IFT88: variants seen among roughly 807,000 people sequenced by gnomAD.
IFT88 encodes the protein intraflagellar transport protein 88 homolog.
In IFT88, 74 loss-of-function variants were observed where a neutral mutation model predicts 119.5. The ratio of observed to expected loss-of-function variants is 0.62; its 90% CI spans 0.51 to 0.75. The LOEUF (loss-of-function observed/expected upper bound fraction) is 0.75. Ranked by LOEUF, IFT88 falls within the 30% of genes least tolerant of loss-of-function variation. The pLI is 0.00. For synonymous variants in IFT88, 279 were observed against 316.7 expected, an observed-to-expected ratio of 0.88 and a Z score of 1.26; for missense variants, 961 against 977.7, an observed-to-expected ratio of 0.98 and a Z score of 0.23.
intron 23 of IFT88, among the ~76,000 whole-genome samples, chr13:20,668,239 G>C (rs2055096944): frequency 6.6e-6 from 1 of 152,200 alleles, no homozygotes; most frequent in Non-Finnish European, 1.5e-5. Context: ...TCTGTCTCTT[G>C]GGTGTTTACT....
chr13:20,635,745 G>T (rs1242309011), intron 16 of IFT88, among the ~76,000 whole-genome samples: 1 of 152,078 alleles, frequency 6.6e-6, no homozygotes, highest in East Asian at 1.9e-4. Flanking sequence ...GCAAGGGAAG[G>T]GAGAGCATTA....
At chr13:20,670,155 ATAT>A (rs1372387265) in intron 23 of IFT88, among the ~76,000 whole-genome samples, 1 of 152,210 alleles carries the variant, frequency 6.6e-6, no homozygotes, top group Non-Finnish European at 1.5e-5. Flanking sequence ...TCTTATGTTT[ATAT>A]TATTAAAGAT....
rs769934185 is a variant in IFT88 at position 20,671,846 on chromosome 13, A to T, written c.2242+807A>T. Among the ~76,000 whole-genome samples the T allele has an allele frequency of 2.0e-5, 3 of 152,170 alleles. No individual in the cohort carries two copies. The South Asian group carries it at 6.2e-4, about 32-fold the overall frequency. ...ATGACCTAGCTCCATGTAACTATCC[A>T]GCTGCATTCTGTCATATCTGTTTGT... On this transcript the variant is annotated intron_variant, in intron 24 of 25. Coordinates refer to ENST00000351808, the MANE Select transcript of IFT88 (RefSeq NM_006531.5).
At chr13:20,625,510 C>A in intron 14 of IFT88, among the ~76,000 whole-genome samples, 1 of 152,012 alleles carries the variant, frequency 6.6e-6, no homozygotes, top group Non-Finnish European at 1.5e-5. Context: ...AGGTATCAGT[C>A]CAATTTTTAC....
chr13:20,608,004 C>G, intron 13 of IFT88: 1 of 581,476 alleles, frequency 1.7e-6, no homozygotes, highest in South Asian at 1.6e-5. Context: ...CAGCAAGGAA[C>G]ATCACCAGAG....
chr13:20,588,076 C>T (rs1488434403), intron 3 of IFT88, among the ~76,000 whole-genome samples: 1 of 138,718 alleles, frequency 7.2e-6, no homozygotes, highest in African/African-American at 2.7e-5. Context: ...TTTTATTATT[C>T]CATTTTCTTT....
At chr13:20,652,158 A>C (rs757109677) in intron 20 of IFT88, among the ~76,000 whole-genome samples, 2 of 152,236 alleles carry the variant, frequency 1.3e-5, no homozygotes, top group African/African-American at 2.4e-5. Flanking sequence ...GTTGCACAAC[A>C]TTGTGAATGT....
chr13:20,594,085 CATA>C (rs1256627126), intron 7 of IFT88, among the ~76,000 whole-genome samples: 5 of 151,608 alleles, frequency 3.3e-5, no homozygotes, highest in South Asian at 2.1e-4. Flanking sequence ...AAGACATATA[CATA>C]ATTAACAAGA....
chr13:20,651,505 A>G (rs1349264132), intron 20 of IFT88, among the ~76,000 whole-genome samples: 1 of 150,098 alleles, frequency 6.7e-6, no homozygotes, highest in African/African-American at 2.4e-5. Context: ...AGCATTATTT[A>G]TAGTAGCGAA....
intron 24 of IFT88, among the ~76,000 whole-genome samples, chr13:20,688,246 C>G (rs2141305253): frequency 6.6e-6 from 1 of 152,310 alleles, no homozygotes; most frequent in South Asian, 2.1e-4. Context: ...ACTCGAGAGG[C>G]TGAGGCAGAA....
chr13:20,596,308 C>G, intron 8 of IFT88, 68 bp downstream of exon 8: 12 of 581,290 alleles, frequency 2.1e-5, no homozygotes, highest in Non-Finnish European at 3.5e-5. Flanking sequence ...TATACATACA[C>G]CGTATGTATA....
chr13:20,572,450 C>T (rs890917387), intron 1 of IFT88, among the ~76,000 whole-genome samples: 3 of 152,104 alleles, frequency 2.0e-5, no homozygotes, highest in Non-Finnish European at 4.4e-5. Context: ...AACTCCTGAC[C>T]TCAAGTAATC....
At chr13:20,619,643 C>T (rs1031755598) in intron 14 of IFT88, among the ~76,000 whole-genome samples, 3 of 151,420 alleles carry the variant, frequency 2.0e-5, no homozygotes, top group Admixed American at 6.6e-5. Context: ...TTGTGATTTG[C>T]AGTTTGAACC....
At position 20,573,169 on chromosome 13, in the gene IFT88, C is replaced by T. The variant is rs114329593; in HGVS notation, c.-6-1211C>T. The stretch of plus-strand genomic sequence containing the variant: ...TGGGCTAAGTAATCATGTCTTGAAA[C>T]TTGCTTGCTATTGCCATAAGTAGCT... On this transcript the variant is annotated intron_variant, in intron 1 of 25. Transcript: ENST00000351808. Among the ~76,000 whole-genome samples, 475 of 152,292 alleles carry T rather than the reference C, an allele frequency of 3.1e-3. 1 individual carries two copies. Among genetic ancestry groups the T allele is most frequent in the African/African-American group, 0.011 (459 of 41,562 alleles).
intron 24 of IFT88, among the ~76,000 whole-genome samples, chr13:20,680,052 C>T (rs530970473): frequency 6.6e-6 from 1 of 152,174 alleles, no homozygotes; most frequent in Non-Finnish European, 1.5e-5. Context: ...GCCTGCCTTG[C>T]GACACAATCT....
intron 24 of IFT88, among the ~76,000 whole-genome samples, chr13:20,674,722 A>ATTTT (rs1296479140): frequency 3.0e-4 from 13 of 42,684 alleles, no homozygotes; most frequent in African/African-American, 6.4e-4. Flanking sequence ...ATATATATAT[A>ATTTT]TATTTTTTTT....
intron 22 of IFT88, chr13:20,663,295 A>G (rs2054128642): frequency 6.7e-7 from 1 of 1,492,880 alleles, no homozygotes; most frequent in Non-Finnish European, 8.9e-7. Flanking sequence ...ACACATGGAG[A>G]GAGACCCTTT....
At chr13:20,642,739 G>A (rs1440914293) in intron 18 of IFT88, 1 of 151,896 alleles carries the variant, frequency 6.6e-6, no homozygotes, top group Non-Finnish European at 1.5e-5. Flanking sequence ...CTTGGATCCA[G>A]TCAAGCAACT....
At chr13:20,570,512 A>G (rs958081312) in intron 1 of IFT88, among the ~76,000 whole-genome samples, 2 of 152,272 alleles carry the variant, frequency 1.3e-5, no homozygotes, top group African/African-American at 4.8e-5. Flanking sequence ...AAAATGTTGC[A>G]GATGTATTTA....
Sources: gnomAD v4.1 joint callset for allele counts (sites outside exome capture counted in the v4.1 genomes callset) on GRCh38, gnomAD v4.1.1 for gene constraint, MANE v1.5 for transcripts, NCBI Gene and HGNC (gene_info 2026-07-23, HGNC 2026-07-21) for gene names.